Variants in FAT2 observed in about 807,000 individuals in gnomAD.
The protein encoded by FAT2 is FAT atypical cadherin 2.
In FAT2, 150 loss-of-function variants were observed where a neutral mutation model predicts 295.3. The observed-to-expected ratio is 0.51, with a 90% CI of 0.44 to 0.58. The LOEUF is 0.58. FAT2 is among the 20% of genes least tolerant of loss of function. The pLI is 0.00. For synonymous variants in FAT2, 2,026 were observed against 2,150.3 expected, an observed-to-expected ratio of 0.94 and a Z score of 1.60; for missense variants, 4,868 against 5,442.7, an observed-to-expected ratio of 0.89 and a Z score of 3.32.
Position 151,533,689 on chromosome 5 carries a change from T to C in FAT2, c.9427+720A>G, listed in dbSNP as rs1267199826. ...TTTTTACCCTATCTGAATTATAAAA[T>C]TTGACTCAGGAAAATTGGACAGGTT... On this transcript the variant is annotated intron_variant, in intron 13 of 23. Transcript: ENST00000261800. 2.0e-5 allele frequency among the ~76,000 whole-genome samples: 3 copies of C among 152,090 alleles called. No homozygotes were observed. The East Asian group carries it at 5.8e-4, about 29-fold the overall frequency.
chr5:151,580,544 C>T (rs1030497027), intron 1 of FAT2, among the ~76,000 whole-genome samples: 5 of 152,224 alleles, frequency 3.3e-5, no homozygotes, highest in African/African-American at 9.6e-5. Flanking sequence ...TGCGGACTCT[C>T]ATTCGGGCCC....
chr5:151,562,854 C>T (rs750224702), intron 3 of FAT2, among the ~76,000 whole-genome samples: 3 of 152,178 alleles, frequency 2.0e-5, no homozygotes, highest in Non-Finnish European at 2.9e-5. Context: ...AGATGGTTGA[C>T]AACATAAGTG....
intron 1 of FAT2, among the ~76,000 whole-genome samples, chr5:151,572,447 C>A (rs1758569468): frequency 6.6e-6 from 1 of 152,214 alleles, no homozygotes; most frequent in Non-Finnish European, 1.5e-5. Flanking sequence ...CAGGTTCTTT[C>A]CTCCTGACTG....
chr5:151,558,707 A>T (rs1023099942), intron 3 of FAT2, among the ~76,000 whole-genome samples: 1 of 151,802 alleles, frequency 6.6e-6, no homozygotes, highest in Non-Finnish European at 1.5e-5. Flanking sequence ...TTCCCCATTT[A>T]TTATTATTAT....
intron 21 of FAT2, 60 bp from the exon 22 acceptor site, chr5:151,510,234 G>T: frequency 6.4e-7 from 1 of 1,570,188 alleles, no homozygotes; most frequent in Admixed American, 1.7e-5. Flanking sequence ...AGGAGACCTG[G>T]CATTGGCAGA....
At chr5:151,516,078 C>T (rs977466925) in intron 20 of FAT2, among the ~76,000 whole-genome samples, 4 of 152,222 alleles carry the variant, frequency 2.6e-5, no homozygotes, top group African/African-American at 9.6e-5. Flanking sequence ...TGCCAAAAGG[C>T]TTTCACATTG....
At chr5:151,574,768 CT>C (rs1758680418) in intron 1 of FAT2, among the ~76,000 whole-genome samples, 1 of 152,196 alleles carries the variant, frequency 6.6e-6, no homozygotes, top group Non-Finnish European at 1.5e-5. Context: ...TTCCAAGAAA[CT>C]TGGATGAACA....
At position 151,543,557 on chromosome 5, in the gene FAT2, G is replaced by T; in HGVS notation, c.7570C>A (p.Leu2524Ile). ...TTTATGGAGAACTTCTCACTTGCTAGTTTATTGATGATAGTATAATCTATA... is the reference window on the plus strand; with the variant it reads ...TTTATGGAGAACTTCTCACTTGCTATTTTATTGATGATAGTATAATCTATA... The part of the protein sequence containing the change: ...GTIDYTIINK[L>I]ASEKFSINPN... Residue 2524 changes from leucine to isoleucine, a missense_variant, in exon 10 of 24, where the codon CTA (leucine) becomes ATA (isoleucine). Physicochemically the swap from Leu to Ile is conservative, Grantham distance 5 (BLOSUM62 2). Transcript: ENST00000261800. 6.2e-7 allele frequency: 1 copy of T among 1,614,152 alleles called. No homozygotes were observed.
At chr5:151,557,373 A>G (rs906355223) in intron 3 of FAT2, among the ~76,000 whole-genome samples, 33 of 152,276 alleles carry the variant, frequency 2.2e-4, no homozygotes, top group Admixed American at 2.6e-4. Context: ...TTATAGCCCA[A>G]GGATAGCCAG....
intron 17 of FAT2, 142 bp downstream of exon 17, chr5:151,527,092 A>G (rs1754091310): frequency 2.5e-6 from 2 of 795,824 alleles, no homozygotes; most frequent in Non-Finnish European, 4.1e-6. Flanking sequence ...AATGCCCTCC[A>G]GCAGTCTGTG....
chr5:151,512,338 C>T lies in FAT2; in HGVS notation c.11732G>A (p.Gly3911Asp), dbSNP rs2127570509. Residue 3911 changes from glycine to aspartate, a missense_variant, in exon 21 of 24, where the codon GGC (glycine) becomes GAC (aspartate). Gly to Asp is a moderately conservative substitution (Grantham distance 94). Coordinates refer to ENST00000261800, the MANE Select transcript of FAT2 (RefSeq NM_001447.3). This position sits in a 1 kb window ranked among gnomAD's most constrained non-coding sequence, Gnocchi z 4.1. ...SSSNVSQGFEGCLDAVVVNEE... is the reference protein window; with the variant it reads ...SSSNVSQGFEDCLDAVVVNEE... The stretch of plus-strand genomic sequence containing the variant: ...GTTGACCACGACAGCATCCAGGCAG[C>T]CTTCAAAGCCCTGGGAGACATTCGA... 1 of 1,614,246 alleles carries T rather than the reference C, an allele frequency of 6.2e-7. No individual in the cohort carries two copies. The highest frequency in any genetic ancestry group is 8.5e-7 in the Non-Finnish European group (1 of 1,180,040).
intron 4 of FAT2, 193 bp downstream of exon 4, chr5:151,556,151 G>A (rs1007564346): frequency 3.3e-6 from 2 of 604,498 alleles, no homozygotes; most frequent in Admixed American, 5.3e-5. Context: ...CCTGGGCACA[G>A]TTTCAGACTC....
At chr5:151,562,323 A>G (rs1477579003) in intron 3 of FAT2, among the ~76,000 whole-genome samples, 1 of 152,184 alleles carries the variant, frequency 6.6e-6, no homozygotes, top group Non-Finnish European at 1.5e-5. Flanking sequence ...GACGGAAAAC[A>G]GGATGTTGGG....
At chr5:151,584,264 C>A (rs1157912653) in intron 1 of FAT2, among the ~76,000 whole-genome samples, 1 of 151,986 alleles carries the variant, frequency 6.6e-6, no homozygotes, top group African/African-American at 2.4e-5. Context: ...TTCCCTTTAC[C>A]CTCCCCTGCC....
Position 151,534,606 on chromosome 5 carries a change from C to T in FAT2, c.9230G>A (p.Arg3077Lys). The change falls in exon 13 of 24, where the codon AGG (arginine) becomes AAG (lysine). Residue 3077 changes from arginine to lysine, a missense_variant. Coordinates refer to ENST00000261800, the MANE Select transcript of FAT2 (RefSeq NM_001447.3). The stretch of plus-strand genomic sequence containing the variant: ...GGCAACAAGGTTGAACACATCCTTC[C>T]TTTCTCGGTCTAGGGCAGTGAGTGT... The part of the protein sequence containing the change: ...LTTLTALDRE[R>K]KDVFNLVAKA... 6.2e-7 allele frequency: 1 copy of T among 1,614,038 alleles called. No individual in the cohort carries two copies. Among genetic ancestry groups the T allele is most frequent in the Non-Finnish European group, 8.5e-7 (1 of 1,179,936 alleles).
chr5:151,505,781 G>A lies in FAT2; in HGVS notation c.12834C>T (p.His4278=). 6.2e-7 allele frequency: 1 copy of A among 1,614,130 alleles called. No individual in the cohort carries two copies. The highest frequency in any genetic ancestry group is 8.5e-7 in the Non-Finnish European group (1 of 1,180,016). The change falls in exon 24 of 24, where the codon CAC becomes CAT. Residue 4278 remains histidine (H), a synonymous_variant. Transcript: ENST00000261800. ...CTCCCCCTCCCTGCCGGAACTGCGA[G>A]TGGTAGTAGCTGATGGCCGTGTACT... ...LNEYTAISYY[H]SQFRQGGGGP...
intron 1 of FAT2, among the ~76,000 whole-genome samples, chr5:151,573,771 A>G (rs896870318): frequency 1.3e-5 from 2 of 152,220 alleles, no homozygotes; most frequent in African/African-American, 4.8e-5. Context: ...GCTGTGATTC[A>G]GTTCACCCTG....
chr5:151,555,616 C>T (rs892312503), intron 4 of FAT2, among the ~76,000 whole-genome samples: 7 of 152,054 alleles, frequency 4.6e-5, no homozygotes, highest in Non-Finnish European at 8.8e-5. Flanking sequence ...GTGATCTGCC[C>T]GCCTCAGCCT....
chr5:151,537,331 AAGAAAAG>A (rs1255435088), intron 12 of FAT2, among the ~76,000 whole-genome samples: 1 of 1,214 alleles, frequency 8.2e-4, no homozygotes, highest in Non-Finnish European at 3.2e-3. Context: ...GAAAAAAAGA[AAGAAAAG>A]AAAAGAAAAG....
Sources: allele counts gnomAD v4.1 joint callset (sites outside exome capture counted in the v4.1 genomes callset), GRCh38; gene constraint gnomAD v4.1.1; non-coding constraint Gnocchi (gnomAD v3.1); transcripts MANE v1.5; gene names NCBI Gene and HGNC (gene_info 2026-07-23, HGNC 2026-07-21).